Variants in A1CF observed in about 807,000 individuals in gnomAD.
A1CF encodes APOBEC1 complementation factor, also known as APOBEC-1 stimulating protein.
In A1CF, 48 loss-of-function variants were observed where a neutral mutation model predicts 68.9. The observed-to-expected ratio is 0.70, with a 90% CI of 0.55 to 0.89. The LOEUF (loss-of-function observed/expected upper bound fraction) is 0.89, where lower values mean the gene tolerates loss of function less well. A1CF is among the 40% of genes least tolerant of loss of function. The probability of loss-of-function intolerance (pLI) is 0.00; values close to 1 mark genes in which losing one functional copy is unlikely to be tolerated. For missense variants in A1CF, 653 were observed against 718.9 expected, an observed-to-expected ratio of 0.91 and a Z score of 1.05; for synonymous variants, 272 against 260.4, an observed-to-expected ratio of 1.04 and a Z score of -0.43.
intron 3 of A1CF, among the ~76,000 whole-genome samples, chr10:50,851,135 T>G (rs1049262111): frequency 2.0e-5 from 3 of 152,210 alleles, no homozygotes; most frequent in Non-Finnish European, 4.4e-5. Flanking sequence ...ATTCTTCTCC[T>G]TACAACACTC....
At chr10:50,826,134 C>T (rs1588983927) in intron 7 of A1CF, among the ~76,000 whole-genome samples, 1 of 152,110 alleles carries the variant, frequency 6.6e-6, no homozygotes, top group Middle Eastern at 3.4e-3. Flanking sequence ...AATCATTGTA[C>T]CCCAGGCCCA....
At chr10:50,861,675 G>C (rs1840753580) in intron 2 of A1CF, among the ~76,000 whole-genome samples, 1 of 147,636 alleles carries the variant, frequency 6.8e-6, no homozygotes, top group Non-Finnish European at 1.5e-5. Flanking sequence ...ATTACTAATA[G>C]TAGTAATACC....
chr10:50,809,125 T>A (rs1837971376), intron 12 of A1CF, among the ~76,000 whole-genome samples: 1 of 152,186 alleles, frequency 6.6e-6, no homozygotes, highest in Non-Finnish European at 1.5e-5. Context: ...CCATTTGTTG[T>A]GGGTACATAA....
chr10:50,855,379 C>G (rs1840431545), intron 3 of A1CF, among the ~76,000 whole-genome samples: 1 of 151,940 alleles, frequency 6.6e-6, no homozygotes, highest in Admixed American at 6.6e-5. Context: ...CTGCAGCACA[C>G]TTCCTTACAA....
chr10:50,852,910 T>C (rs993295425), intron 3 of A1CF, among the ~76,000 whole-genome samples: 1 of 152,180 alleles, frequency 6.6e-6, no homozygotes, highest in African/African-American at 2.4e-5. Context: ...ACCGGAAAGA[T>C]GGAGAGTTAG....
In A1CF at chr10:50,833,143, A is replaced by T. The variant is rs147210766; in HGVS notation, c.604+2931T>A. 6.0e-3 allele frequency among the ~76,000 whole-genome samples: 920 copies of T among 152,342 alleles called. 7 individuals carry two copies. The highest frequency in any genetic ancestry group is 0.021 in the African/African-American group (858 of 41,580). The stretch of plus-strand genomic sequence containing the variant: ...TGATTAGAGGCTGACATGGGTACTC[A>T]CATTGTTTGAAAACATCAGGTAATT... On this transcript the variant is annotated intron_variant, in intron 6 of 12. Coordinates refer to ENST00000373997, the MANE Select transcript of A1CF (RefSeq NM_014576.4).
At chr10:50,820,212 A>G (rs1448468439) in intron 8 of A1CF, among the ~76,000 whole-genome samples, 1 of 152,230 alleles carries the variant, frequency 6.6e-6, no homozygotes, top group Non-Finnish European at 1.5e-5. Flanking sequence ...AAAATACTGC[A>G]CTAAAATGAT....
At chr10:50,815,642 A>G (rs999943256) in intron 9 of A1CF, among the ~76,000 whole-genome samples, 1 of 152,236 alleles carries the variant, frequency 6.6e-6, no homozygotes, top group African/African-American at 2.4e-5. Context: ...GGACTATACT[A>G]GTCTATTCCA....
At chr10:50,814,091 A>G (rs1588968095) in intron 9 of A1CF, 53 bp from the exon 10 acceptor site, 2 of 1,593,994 alleles carry the variant, frequency 1.3e-6, no homozygotes, top group Non-Finnish European at 8.6e-7. Flanking sequence ...ATTAAACTGA[A>G]TCAAACCACC....
intron 3 of A1CF, among the ~76,000 whole-genome samples, chr10:50,853,091 G>C (rs560257833): frequency 1.1e-4 from 16 of 152,234 alleles, no homozygotes; most frequent in African/African-American, 3.9e-4. Context: ...AGGAAAGTGT[G>C]AGGGGTGGGA....
chr10:50,859,251 A>C (rs1253509566), intron 3 of A1CF, among the ~76,000 whole-genome samples: 4 of 152,220 alleles, frequency 2.6e-5, no homozygotes, highest in African/African-American at 9.6e-5. Flanking sequence ...CATAAAGATA[A>C]TAATAATATA....
intron 8 of A1CF, among the ~76,000 whole-genome samples, chr10:50,819,237 CA>C (rs1214809126): frequency 6.6e-6 from 1 of 152,082 alleles, no homozygotes; most frequent in Non-Finnish European, 1.5e-5. Context: ...GAGATCCTCC[CA>C]CCTCAGCCCC....
chr10:50,848,431 C>T (rs537740280), intron 3 of A1CF, among the ~76,000 whole-genome samples: 1 of 152,120 alleles, frequency 6.6e-6, no homozygotes, highest in African/African-American at 2.4e-5. Context: ...TCAGGCTTAT[C>T]AGCCTCATAA....
At chr10:50,811,742 C>G (rs4245007) in intron 10 of A1CF, among the ~76,000 whole-genome samples, 125,826 of 152,206 alleles carry the variant, frequency 0.83, 52,332 homozygotes, top group East Asian at 0.99. Context: ...ACTATTTCTG[C>G]CTTTTTTGTT....
chr10:50,816,398 T>G lies in A1CF; in HGVS notation c.868-119A>C, dbSNP rs1838375945. On this transcript the variant is annotated intron_variant, in intron 8 of 12. Coordinates refer to ENST00000373997, the MANE Select transcript of A1CF (RefSeq NM_014576.4). ...GACTATTTGCTGTAGGTTTATTGAT[T>G]GTATCTTGTCATTTTATAGGTTTGT... 6.9e-6 allele frequency: 8 copies of G among 1,164,392 alleles called. No homozygotes were observed. The South Asian group carries it at 1.3e-4, about 18-fold the overall frequency. 72.1% of individuals were successfully genotyped at this position (1,164,392 alleles called of 1,614,324 possible). A position where few individuals can be genotyped will look rare whatever the true frequency, so the allele number is the denominator to read the frequency against.
In A1CF at chr10:50,859,864, C is replaced by G. The variant is rs529819396; in HGVS notation, c.77G>C (p.Arg26Pro). The change falls in exon 3 of 13, where the codon CGC (arginine) becomes CCC (proline). Residue 26 changes from arginine (R) to proline (P), a missense_variant. Coordinates refer to ENST00000373997, the MANE Select transcript of A1CF (RefSeq NM_014576.4). The stretch of plus-strand genomic sequence containing the variant: ...TACCTGGACCAAGCTATATCCTGTG[C>G]GCTGGACCAGTGCGCGGAGGGCTGC... ...KEAALRALVQ[R>P]TGYSLVQENG... 1.9e-6 allele frequency: 3 copies of G among 1,613,826 alleles called. No individual in the cohort carries two copies. The highest frequency in any genetic ancestry group is 8.5e-7 in the Non-Finnish European group (1 of 1,179,910).
chr10:50,828,293 T>G lies in A1CF; in HGVS notation c.607A>C (p.Arg203=). The change falls in exon 7 of 13, where the codon AGA becomes CGA. Residue 203 remains arginine (R), a splice_region_variant and synonymous_variant. Coordinates refer to ENST00000373997, the MANE Select transcript of A1CF (RefSeq NM_014576.4). ...ATACCATGTCCCCATAACTGAATTC[T>G]TCCTGTTGAAAATGATCACCATTAT... ...AMARRKLLPG[R]IQLWGHGIAV... The G allele has an allele frequency of 6.5e-7, 1 of 1,541,470 alleles. No individual in the cohort carries two copies. The highest frequency in any genetic ancestry group is 8.8e-7 in the Non-Finnish European group (1 of 1,134,760).
At chr10:50,855,272 C>T (rs918057958) in intron 3 of A1CF, among the ~76,000 whole-genome samples, 4 of 151,644 alleles carry the variant, frequency 2.6e-5, no homozygotes, top group Admixed American at 6.6e-5. Flanking sequence ...TGCTAGCTTT[C>T]GAAATCAGGA....
intron 3 of A1CF, among the ~76,000 whole-genome samples, chr10:50,844,690 T>C (rs1325525424): frequency 3.3e-5 from 5 of 152,098 alleles, no homozygotes; most frequent in African/African-American, 1.2e-4. Flanking sequence ...TGCTATAAAA[T>C]GATACAAGTT....
Sources: gnomAD v4.1 joint callset for allele counts (sites outside exome capture counted in the v4.1 genomes callset) on GRCh38, gnomAD v4.1.1 for gene constraint, MANE v1.5 for transcripts, NCBI Gene and HGNC (gene_info 2026-07-23, HGNC 2026-07-21) for gene names.